Variants in FGF12 observed in about 807,000 individuals in gnomAD.
The protein encoded by FGF12 is fibroblast growth factor 12, also known as fibroblast growth factor 12B.
A neutral mutation model predicts 23.6 loss-of-function variants in FGF12; 14 were observed. The ratio of observed to expected loss-of-function variants is 0.59; its 90% CI spans 0.39 to 0.93. The LOEUF is 0.93. Ranked by LOEUF, FGF12 falls within the 40% of genes least tolerant of loss-of-function variation. The probability of loss-of-function intolerance (pLI) is 0.00; values close to 1 mark genes in which losing one functional copy is unlikely to be tolerated. For missense variants in FGF12, 175 were observed against 217.8 expected (o/e 0.80, Z 1.24); for synonymous variants, 62 against 77.3 (o/e 0.80, Z 1.04).
intron 4 of FGF12, among the ~76,000 whole-genome samples, chr3:192,235,023 C>T (rs151201556): frequency 9.7e-4 from 148 of 152,108 alleles, no homozygotes; most frequent in South Asian, 3.3e-3. Context: ...GTGTCTCTGC[C>T]AGGTTTTGGT....
chr3:192,464,499 GGTGTGTGTGTGTGTGTGTGTGTGT>G (rs34803297), intron 2 of FGF12, among the ~76,000 whole-genome samples: 2 of 132,604 alleles, frequency 1.5e-5, no homozygotes, highest in African/African-American at 5.6e-5. Context: ...AGTATTCCAT[GGTGTGTGTGTGTGTGTGTGTGTGT>G]GTGTGTGTGT....
chr3:192,511,274 T>C (rs1232253235), intron 2 of FGF12, among the ~76,000 whole-genome samples: 1 of 152,012 alleles, frequency 6.6e-6, no homozygotes, highest in East Asian at 1.9e-4. Context: ...TTACTACTAC[T>C]GTAGGGACCT....
chr3:192,408,451 C>T lies in FGF12; in HGVS notation c.14-47913G>A. On this transcript the variant is annotated intron_variant, in intron 2 of 5. Transcript: ENST00000445105. The surrounding 1 kb of genome is among the most constrained non-coding windows in gnomAD (Gnocchi z 7.3). ...ATCCAGATGTAAACTTCCCCAACCT[C>T]TGGCGGCCGGGGGGCGGGGCGGGGC... 7.3e-7 allele frequency: 1 copy of T among 1,370,822 alleles called. No individual in the cohort carries two copies. The highest frequency in any genetic ancestry group is 1.8e-5 in the South Asian group (1 of 55,786). The allele number at this position is 1,370,822 out of a possible 1,614,324, so 84.9% of individuals were successfully genotyped here. A position where few individuals can be genotyped will look rare whatever the true frequency, so the allele number is the denominator to read the frequency against.
chr3:192,452,481 G>T (rs747284197), intron 2 of FGF12, among the ~76,000 whole-genome samples: 50 of 152,076 alleles, frequency 3.3e-4, no homozygotes, highest in Non-Finnish European at 6.3e-4. Context: ...AAGTATTTTT[G>T]TCAAGTTTTA....
In FGF12 at chr3:192,679,054, G is replaced by A. The variant is rs116006324; in HGVS notation, c.13+48127C>T. ...GGGGGCCACACTTTTGAGAATCTCC[G>A]CTCTGGATCCCAGCTTTGGAGAATA... On this transcript the variant is annotated intron_variant, in intron 2 of 5. Coordinates refer to ENST00000445105, the MANE Select transcript of FGF12 (RefSeq NM_004113.6). Among the ~76,000 whole-genome samples the A allele has an allele frequency of 4.1e-3, 626 of 152,268 alleles. 2 individuals carry two copies. Among genetic ancestry groups the A allele is most frequent in the Middle Eastern group, 0.02 (6 of 294 alleles).
chr3:192,501,288 TA>T (rs1252790103), intron 2 of FGF12, among the ~76,000 whole-genome samples: 1 of 152,182 alleles, frequency 6.6e-6, no homozygotes, highest in Non-Finnish European at 1.5e-5. Context: ...CTTCTTCATT[TA>T]AAAAAACTTG....
chr3:192,610,169 A>G lies in FGF12; in HGVS notation c.13+117012T>C, dbSNP rs143366733. Among the ~76,000 whole-genome samples the G allele has an allele frequency of 4.3e-3, 660 of 152,194 alleles. 2 individuals are homozygous for G. The highest frequency in any genetic ancestry group is 5.8e-3 in the Non-Finnish European group (395 of 67,986). Reference sequence around the variant, plus strand: ...AGAATCACAGAATCTCAGAATTAGAAAGAATGCTCACATTCATCTATTTCC... The same window carrying G: ...AGAATCACAGAATCTCAGAATTAGAGAGAATGCTCACATTCATCTATTTCC... On this transcript the variant is annotated intron_variant, in intron 2 of 5. Coordinates refer to ENST00000445105, the MANE Select transcript of FGF12 (RefSeq NM_004113.6).
chr3:192,240,596 C>T (rs1322819285), intron 4 of FGF12, among the ~76,000 whole-genome samples: 2 of 152,080 alleles, frequency 1.3e-5, no homozygotes, highest in Non-Finnish European at 2.9e-5. Flanking sequence ...AAATAGATGA[C>T]CTAGTGCACA....
intron 2 of FGF12, among the ~76,000 whole-genome samples, chr3:192,659,028 A>G (rs934928367): frequency 1.3e-5 from 2 of 152,194 alleles, no homozygotes; most frequent in African/African-American, 4.8e-5. Context: ...TGAGTGGATC[A>G]TGGGACAGGA....
intron 4 of FGF12, among the ~76,000 whole-genome samples, chr3:192,211,854 T>C (rs1295931875): frequency 1.3e-5 from 2 of 152,196 alleles, no homozygotes; most frequent in Non-Finnish European, 2.9e-5. Flanking sequence ...CAAAATAGCT[T>C]TCCCTTTCAA....
chr3:192,578,453 GA>G (rs1713001371), intron 2 of FGF12, among the ~76,000 whole-genome samples: 1 of 152,112 alleles, frequency 6.6e-6, no homozygotes, highest in African/African-American at 2.4e-5. Flanking sequence ...TGTCTTTTAA[GA>G]TAAAACAACA....
chr3:192,463,373 T>G (rs1722917388), intron 2 of FGF12, among the ~76,000 whole-genome samples: 1 of 152,046 alleles, frequency 6.6e-6, no homozygotes, highest in African/African-American at 2.4e-5. Flanking sequence ...TGAGCTGAGG[T>G]TGCACCAATG....
At chr3:192,722,657 A>G in intron 2 of FGF12, among the ~76,000 whole-genome samples, 1 of 152,164 alleles carries the variant, frequency 6.6e-6, no homozygotes, top group East Asian at 1.9e-4. Flanking sequence ...AATCTTCTGG[A>G]TCCATGAAGT....
intron 2 of FGF12, among the ~76,000 whole-genome samples, chr3:192,682,793 T>C (rs1424793087): frequency 6.6e-6 from 1 of 152,166 alleles, no homozygotes; most frequent in East Asian, 1.9e-4. Flanking sequence ...GGGTTGCAAC[T>C]TTGAGCCATG....
chr3:192,682,825 G>A (rs923861751), intron 2 of FGF12, among the ~76,000 whole-genome samples: 7 of 152,170 alleles, frequency 4.6e-5, no homozygotes, highest in Non-Finnish European at 7.4e-5. Flanking sequence ...GAGGGAAGTT[G>A]TAGGTTGACT....
intron 3 of FGF12, among the ~76,000 whole-genome samples, chr3:192,344,269 T>G (rs1717844119): frequency 6.6e-6 from 1 of 152,182 alleles, no homozygotes. Flanking sequence ...GTTGTTTTCA[T>G]ATCTCCACAT....
chr3:192,696,838 A>G (rs1505442), intron 2 of FGF12, among the ~76,000 whole-genome samples: 2,050 of 152,118 alleles, frequency 0.013, 47 homozygotes, highest in African/African-American at 0.048. Context: ...ATCATTTTAT[A>G]TAACAAGGCC....
intron 2 of FGF12, among the ~76,000 whole-genome samples, chr3:192,458,534 A>G (rs9859131): frequency 0.13 from 19,077 of 152,182 alleles, 3,886 homozygotes; most frequent in African/African-American, 0.43. Context: ...ACTTGAATGG[A>G]GCCTGTAACC....
intron 2 of FGF12, among the ~76,000 whole-genome samples, chr3:192,631,184 C>A (rs1715379961): frequency 6.6e-6 from 1 of 152,118 alleles, no homozygotes; most frequent in Non-Finnish European, 1.5e-5. Flanking sequence ...TCAGTGTCCT[C>A]CATCTATTTG....
Sources: allele counts gnomAD v4.1 joint callset (sites outside exome capture counted in the v4.1 genomes callset), GRCh38; gene constraint gnomAD v4.1.1; non-coding constraint Gnocchi (gnomAD v3.1); transcripts MANE v1.5; gene names NCBI Gene and HGNC (gene_info 2026-07-23, HGNC 2026-07-21).